The following GRK4 variants were observed in gnomAD, a reference collection of about 807,000 sequenced individuals.
GRK4 encodes the protein G protein-coupled receptor kinase 4, also known as G protein-coupled receptor kinase 2-like.
Under a neutral mutation model 77.9 loss-of-function variants are expected in GRK4, and 73 were observed. The observed-to-expected ratio is 0.94, with a 90% CI of 0.78 to 1.14. GRK4 has a LOEUF of 1.14. GRK4 is among the 50% of genes most tolerant of loss of function. The probability of loss-of-function intolerance (pLI) is 0.00; values close to 1 mark genes in which losing one functional copy is unlikely to be tolerated. For synonymous variants in GRK4, 257 were observed against 254.4 expected, an observed-to-expected ratio of 1.01 and a Z score of -0.10; for missense variants, 729 against 700.2, an observed-to-expected ratio of 1.04 and a Z score of -0.46.
chr4:2,978,300 A>C (rs998894526), intron 1 of GRK4, among the ~76,000 whole-genome samples: 3 of 152,238 alleles, frequency 2.0e-5, no homozygotes, highest in African/African-American at 7.2e-5. Context: ...AGAATCTTTT[A>C]AAAACTTGGT....
chr4:3,014,194 C>A (rs1409606847), intron 8 of GRK4, among the ~76,000 whole-genome samples: 1 of 152,062 alleles, frequency 6.6e-6, no homozygotes, highest in East Asian at 1.9e-4. Flanking sequence ...TCACAGCCAG[C>A]CAGAGCTTAT....
chr4:3,005,234 A>G (rs1418563989), intron 5 of GRK4, among the ~76,000 whole-genome samples: 2 of 151,832 alleles, frequency 1.3e-5, no homozygotes, highest in Non-Finnish European at 1.5e-5. Context: ...GCAGACAGTC[A>G]CTCATGTCAC....
intron 7 of GRK4, among the ~76,000 whole-genome samples, chr4:3,012,646 G>A (rs1258103811): frequency 1.3e-5 from 2 of 152,176 alleles, no homozygotes; most frequent in African/African-American, 4.8e-5. Flanking sequence ...GCCTAATGTT[G>A]ATGACACAGA....
chr4:3,038,198 A>T (rs1377135626), intron 14 of GRK4, among the ~76,000 whole-genome samples, 178 bp from the exon 15 acceptor site: 1 of 152,214 alleles, frequency 6.6e-6, no homozygotes, highest in Non-Finnish European at 1.5e-5. Context: ...CACATTACTT[A>T]TTCCAAGAAG....
chr4:3,028,953 G>C (rs562885682), intron 11 of GRK4, among the ~76,000 whole-genome samples: 1 of 152,216 alleles, frequency 6.6e-6, no homozygotes, highest in African/African-American at 2.4e-5. Context: ...TGTATTTTTA[G>C]TAGAGACAGG....
At chr4:2,989,142 C>G (rs1560389966) in intron 3 of GRK4, among the ~76,000 whole-genome samples, 1 of 152,054 alleles carries the variant, frequency 6.6e-6, no homozygotes, top group Non-Finnish European at 1.5e-5. Flanking sequence ...GATCGCACCA[C>G]TGCCTTCCAG....
At chr4:3,037,555 T>G in intron 14 of GRK4, 44 bp downstream of exon 14, 1 of 1,568,488 alleles carries the variant, frequency 6.4e-7, no homozygotes, top group Non-Finnish European at 8.7e-7. Flanking sequence ...GTTCCAACAG[T>G]GACCCAGGGA....
At chr4:2,996,081 T>C (rs1222081047) in intron 4 of GRK4, among the ~76,000 whole-genome samples, 5 of 152,190 alleles carry the variant, frequency 3.3e-5, no homozygotes, top group Admixed American at 2.0e-4. Flanking sequence ...TTTTTTTTTT[T>C]TCCCCCTTCT....
intron 7 of GRK4, among the ~76,000 whole-genome samples, chr4:3,010,852 ACTGCAC>A (rs950853002): frequency 3.3e-5 from 5 of 152,332 alleles, no homozygotes; most frequent in Admixed American, 3.3e-4. Flanking sequence ...GAGGCAGCAC[ACTGCAC>A]CTATATCTGT....
intron 10 of GRK4, among the ~76,000 whole-genome samples, chr4:3,025,641 C>T (rs1327652550): frequency 6.6e-6 from 1 of 151,940 alleles, no homozygotes; most frequent in African/African-American, 2.4e-5. Context: ...ATCCGCCCGC[C>T]TCGGCCTCCC....
At chr4:2,994,502 C>T (rs1439318584) in intron 4 of GRK4, among the ~76,000 whole-genome samples, 1 of 152,256 alleles carries the variant, frequency 6.6e-6, no homozygotes, top group Non-Finnish European at 1.5e-5. Context: ...TGAACCACTA[C>T]ACCCGGCTCC....
At chr4:2,977,001 T>C (rs1020333174) in intron 1 of GRK4, among the ~76,000 whole-genome samples, 3 of 152,230 alleles carry the variant, frequency 2.0e-5, no homozygotes, top group South Asian at 2.1e-4. Flanking sequence ...GAGGCAGCAG[T>C]ATGGGTGGGA....
intron 1 of GRK4, among the ~76,000 whole-genome samples, chr4:2,965,003 C>T (rs61194042): frequency 0.018 from 2,808 of 151,788 alleles, 58 homozygotes; most frequent in African/African-American, 0.055. Context: ...TTTCTTTCAA[C>T]GCAGCTACAA....
At position 2,976,637 on chromosome 4, in the gene GRK4, T is replaced by C. The variant is rs1449050273; in HGVS notation, c.53-7876T>C. Among the ~76,000 whole-genome samples, 8 of 148,866 alleles carry C rather than the reference T, an allele frequency of 5.4e-5. No homozygotes were observed. In the East Asian group the frequency reaches 5.9e-4, roughly 11 times the overall value. On this transcript the variant is annotated intron_variant, in intron 1 of 15. Coordinates refer to ENST00000398052, the MANE Select transcript of GRK4 (RefSeq NM_182982.3). ...GCTTGAATTTTCTTTCTTTCTTTTT[T>C]TTTTTTTTTTTTTTTGGTTTGATAC...
intron 1 of GRK4, among the ~76,000 whole-genome samples, chr4:2,967,265 A>G (rs1004457965): frequency 2.6e-5 from 4 of 152,268 alleles, no homozygotes; most frequent in Non-Finnish European, 5.9e-5. Context: ...ACAGACTAAG[A>G]TGGTCTAAAC....
chr4:3,001,286 C>CACATACATATATATGTATAT lies in GRK4; in HGVS notation c.340-2943_340-2924dup, dbSNP rs1729699927. 7.9e-5 allele frequency among the ~76,000 whole-genome samples: 9 copies of CACATACATATATATGTATAT among 114,404 alleles called. 1 individual carries two copies. The South Asian group carries it at 2.2e-3, about 29-fold the overall frequency. The allele number at this position is 114,404 out of a possible 152,430, so 75.1% of individuals were successfully genotyped here. A position where few individuals can be genotyped will look rare whatever the true frequency, so the allele number is the denominator to read the frequency against. Reference sequence around the variant, plus strand: ...ATATGTGTGTATGTATGTATGTATACACATACATATATATGTATATATGTG... The same window carrying CACATACATATATATGTATAT: ...ATATGTGTGTATGTATGTATGTATACACATACATATATATGTATATACATACATATATATGTATATATGTG... On this transcript the variant is annotated intron_variant, in intron 4 of 15. Transcript: ENST00000398052.
intron 10 of GRK4, among the ~76,000 whole-genome samples, chr4:3,026,004 G>A (rs1174203724): frequency 6.6e-6 from 1 of 152,244 alleles, no homozygotes; most frequent in African/African-American, 2.4e-5. Context: ...GCCTCCTGCA[G>A]GCGAACCTGA....
chr4:3,025,681 G>A (rs1033469309), intron 10 of GRK4, among the ~76,000 whole-genome samples: 9 of 151,858 alleles, frequency 5.9e-5, no homozygotes, highest in East Asian at 1.9e-4. Flanking sequence ...CTTGAGCACC[G>A]CGCCCGGCCA....
intron 1 of GRK4, chr4:2,965,171 T>A (rs1717152927): frequency 1.6e-6 from 1 of 644,372 alleles, no homozygotes; most frequent in South Asian, 1.7e-5. Context: ...GCTTTTTGGA[T>A]GTGAATCCAC....
Sources: gnomAD v4.1 joint callset for allele counts (sites outside exome capture counted in the v4.1 genomes callset) on GRCh38, gnomAD v4.1.1 for gene constraint, MANE v1.5 for transcripts, NCBI Gene and HGNC (gene_info 2026-07-23, HGNC 2026-07-21) for gene names.